The following SETBP1 variants were observed in gnomAD, a reference collection of about 807,000 sequenced individuals.
SETBP1 encodes SET-binding protein.
In SETBP1, 9 loss-of-function variants were observed where a neutral mutation model predicts 101.0. That is an observed-to-expected ratio of 0.09 (90% confidence interval 0.05 to 0.16). SETBP1 has a LOEUF of 0.16. Ranked by LOEUF, SETBP1 falls within the 10% of genes least tolerant of loss-of-function variation. SETBP1 has a pLI of 1.00. For missense variants in SETBP1, 1,858 were observed against 2,033.8 expected, an observed-to-expected ratio of 0.91 and a Z score of 1.66; for synonymous variants, 818 against 788.5, an observed-to-expected ratio of 1.04 and a Z score of -0.63.
intron 2 of SETBP1, among the ~76,000 whole-genome samples, chr18:44,826,354 T>A (rs2072237525): frequency 6.6e-6 from 1 of 152,078 alleles, no homozygotes; most frequent in Non-Finnish European, 1.5e-5. Flanking sequence ...TGCATTCAGC[T>A]CTTTGGTGGC....
Position 44,701,281 on chromosome 18 carries a change from T to C in SETBP1, c.-66T>C. On this transcript the variant is annotated 5_prime_UTR_variant, in exon 2 of 6. Coordinates refer to ENST00000649279, the MANE Select transcript of SETBP1 (RefSeq NM_015559.3). Reference sequence around the variant, plus strand: ...TTGGAATTTTGGGTGTCCTCTTTTCTCACCTTTCCCTTTTCCCTTTTCCCC... The same window carrying C: ...TTGGAATTTTGGGTGTCCTCTTTTCCCACCTTTCCCTTTTCCCTTTTCCCC... 2 of 1,448,986 alleles carry C rather than the reference T, an allele frequency of 1.4e-6. No homozygotes were observed. The highest frequency in any genetic ancestry group is 9.1e-7 in the Non-Finnish European group (1 of 1,098,806). 89.8% of individuals were successfully genotyped at this position (1,448,986 alleles called of 1,614,324 possible). A position where few individuals can be genotyped will look rare whatever the true frequency, so the allele number is the denominator to read the frequency against.
intron 4 of SETBP1, among the ~76,000 whole-genome samples, chr18:45,033,529 A>G (rs1363821674): frequency 6.6e-6 from 1 of 152,238 alleles, no homozygotes; most frequent in Non-Finnish European, 1.5e-5. Context: ...TGTCTTCTGC[A>G]GTGTAAAGGG....
At chr18:45,051,481 G>A (rs921866518) in intron 5 of SETBP1, among the ~76,000 whole-genome samples, 1 of 152,136 alleles carries the variant, frequency 6.6e-6, no homozygotes, top group African/African-American at 2.4e-5. Flanking sequence ...ACCATTCATA[G>A]TGGAGGCTAT....
intron 4 of SETBP1, among the ~76,000 whole-genome samples, chr18:44,991,244 CAAAAAAAA>C (rs55811938): frequency 1.5e-5 from 1 of 68,216 alleles, no homozygotes; most frequent in Non-Finnish European, 2.8e-5. Flanking sequence ...CTGCATCTCA[CAAAAAAAA>C]AAAAAAAAAA....
chr18:44,762,138 C>CTTTTTTTTTTT (rs55990761), intron 2 of SETBP1, among the ~76,000 whole-genome samples: 1 of 149,216 alleles, frequency 6.7e-6, no homozygotes. Flanking sequence ...CTTCTAAACA[C>CTTTTTTTTTTT]TTTTTTTTTT....
chr18:45,013,438 T>C (rs571362497), intron 4 of SETBP1, among the ~76,000 whole-genome samples: 9 of 141,188 alleles, frequency 6.4e-5, no homozygotes, highest in East Asian at 1.9e-4. Flanking sequence ...TTCTTTCTTT[T>C]TTTTTGTTTT....
intron 2 of SETBP1, among the ~76,000 whole-genome samples, chr18:44,747,036 A>C (rs942935759): frequency 6.6e-6 from 1 of 152,240 alleles, no homozygotes; most frequent in Non-Finnish European, 1.5e-5. Flanking sequence ...AGTTAGTCAC[A>C]TGCCAGCCCC....
At chr18:44,875,859 G>T (rs2069391231) in intron 3 of SETBP1, among the ~76,000 whole-genome samples, 1 of 152,184 alleles carries the variant, frequency 6.6e-6, no homozygotes, top group Non-Finnish European at 1.5e-5. Flanking sequence ...AGGTAGTCTG[G>T]CTCCAATATC....
intron 2 of SETBP1, among the ~76,000 whole-genome samples, chr18:44,711,256 TC>T (rs2069334529): frequency 1.6e-5 from 1 of 61,952 alleles, no homozygotes; most frequent in Non-Finnish European, 3.0e-5. Flanking sequence ...TCCTCCCGCC[TC>T]CCTCCCTCTC....
intron 2 of SETBP1, among the ~76,000 whole-genome samples, chr18:44,843,304 A>G (rs1218288887): frequency 6.6e-6 from 1 of 152,160 alleles, no homozygotes; most frequent in Admixed American, 6.5e-5. Flanking sequence ...GTTTTACCAA[A>G]ATTTGTCAAC....
chr18:44,964,073 T>C (rs2071671063), intron 4 of SETBP1, among the ~76,000 whole-genome samples: 1 of 151,436 alleles, frequency 6.6e-6, no homozygotes, highest in African/African-American at 2.4e-5. Flanking sequence ...AGTTTGAATG[T>C]CCACAAGGAA....
intron 3 of SETBP1, among the ~76,000 whole-genome samples, chr18:44,887,786 G>A (rs1247532393): frequency 6.6e-6 from 1 of 152,104 alleles, no homozygotes; most frequent in Non-Finnish European, 1.5e-5. Context: ...GTGGCCAATT[G>A]TGTCCCGGAT....
At chr18:44,823,205 AC>A in intron 2 of SETBP1, among the ~76,000 whole-genome samples, 1 of 152,254 alleles carries the variant, frequency 6.6e-6, no homozygotes, top group Non-Finnish European at 1.5e-5. Flanking sequence ...TACTGCTTAC[AC>A]AAAATATCCA....
intron 2 of SETBP1, among the ~76,000 whole-genome samples, chr18:44,804,619 A>G (rs766533878): frequency 6.6e-6 from 1 of 152,142 alleles, no homozygotes; most frequent in African/African-American, 2.4e-5. Flanking sequence ...AAGTATTTTC[A>G]TAATTCTCAT....
chr18:44,701,327 G>A lies in SETBP1; in HGVS notation c.-20G>A, dbSNP rs202134217. The A allele has an allele frequency of 2.8e-4, 408 of 1,464,978 alleles. 1 individual carries two copies. Among genetic ancestry groups the A allele is most frequent in the South Asian group, 5.8e-4 (40 of 68,720 alleles). The allele number at this position is 1,464,978 out of a possible 1,614,324, so 90.7% of individuals were successfully genotyped here. On this transcript the variant is annotated 5_prime_UTR_variant, in exon 2 of 6. Transcript: ENST00000649279. ...TCCCCTTCCCCCTCCTGAGAACTCC[G>A]GAAGACTGTAGAGATTGTCATGGAG...
At chr18:44,842,693 C>G (rs2072642306) in intron 2 of SETBP1, among the ~76,000 whole-genome samples, 1 of 152,178 alleles carries the variant, frequency 6.6e-6, no homozygotes, top group Non-Finnish European at 1.5e-5. Context: ...AGGGTTAGAC[C>G]CAAGGGTGGC....
intron 2 of SETBP1, among the ~76,000 whole-genome samples, chr18:44,741,990 C>T (rs900395920): frequency 3.9e-5 from 6 of 152,184 alleles, no homozygotes; most frequent in Admixed American, 6.5e-5. Context: ...GAGGTGGGTG[C>T]AGCACGCACA....
At chr18:44,942,110 A>G (rs568878899) in intron 3 of SETBP1, among the ~76,000 whole-genome samples, 1 of 152,300 alleles carries the variant, frequency 6.6e-6, no homozygotes, top group South Asian at 2.1e-4. Flanking sequence ...GCTTTATGCT[A>G]TCGAGAGTTC....
At chr18:44,716,605 C>A (rs891827339) in intron 2 of SETBP1, among the ~76,000 whole-genome samples, 1 of 152,152 alleles carries the variant, frequency 6.6e-6, no homozygotes, top group African/African-American at 2.4e-5. Flanking sequence ...ACTCTGTTGC[C>A]AGGCTGGAGT....
Sources: gnomAD v4.1 joint callset for allele counts (sites outside exome capture counted in the v4.1 genomes callset) on GRCh38, gnomAD v4.1.1 for gene constraint, MANE v1.5 for transcripts, NCBI Gene and HGNC (gene_info 2026-07-23, HGNC 2026-07-21) for gene names.